Variants in CAST observed in about 807,000 individuals in gnomAD.
CAST encodes the protein MIR583 host.
CAST carries 76 observed loss-of-function variants against 119.6 expected under a neutral mutation model. That is an observed-to-expected ratio of 0.64 (90% CI 0.53 to 0.77). The LOEUF (loss-of-function observed/expected upper bound fraction) is 0.77, where lower values mean the gene tolerates loss of function less well. Ranked by LOEUF, CAST falls within the 30% of genes least tolerant of loss-of-function variation. The pLI is 0.00. For missense variants in CAST, 953 were observed against 946.5 expected (o/e 1.01, Z -0.09); for synonymous variants, 319 against 331.6 (o/e 0.96, Z 0.41).
the CAST span, chr5:96,425,751 T>C: frequency 1.1e-5 from 9 of 848,054 alleles, no homozygotes; most frequent in Admixed American, 1.9e-5. Context: ...AAATCCATGT[T>C]GCAAATGTAA....
At chr5:96,249,063 A>G in the CAST span, among the ~76,000 whole-genome samples, 1 of 152,258 alleles carries the variant, frequency 6.6e-6, no homozygotes, top group African/African-American at 2.4e-5. Flanking sequence ...CCTTTGTCAC[A>G]TAGTTGCTAC....
At chr5:95,982,733 C>T in the CAST span, among the ~76,000 whole-genome samples, 1 of 152,206 alleles carries the variant, frequency 6.6e-6, no homozygotes. Context: ...ATGATCCCAA[C>T]ATATTTTACA....
intron 15 of CAST, chr5:96,741,789 A>G: frequency 2.0e-6 from 1 of 505,972 alleles, no homozygotes; most frequent in Non-Finnish European, 3.6e-6. Context: ...TGATTTTAGC[A>G]CAGTTGTCTC....
chr5:96,098,562 C>G, the CAST span, among the ~76,000 whole-genome samples: 4 of 152,160 alleles, frequency 2.6e-5, no homozygotes, highest in Admixed American at 2.6e-4. Context: ...TTTCCCAGCG[C>G]TATTTATTGG....
At chr5:96,443,611 A>C in the CAST span, among the ~76,000 whole-genome samples, 1 of 152,222 alleles carries the variant, frequency 6.6e-6, no homozygotes, top group Non-Finnish European at 1.5e-5. Context: ...TAACTTTATC[A>C]GTGGTTATCG....
At chr5:96,576,898 C>T (rs1390202830) in intron 1 of CAST, among the ~76,000 whole-genome samples, 1 of 152,016 alleles carries the variant, frequency 6.6e-6, no homozygotes, top group Non-Finnish European at 1.5e-5. Flanking sequence ...AAATGTGTGC[C>T]ATGGTGGTTT....
the CAST span, among the ~76,000 whole-genome samples, chr5:96,298,784 T>C: frequency 6.6e-6 from 1 of 152,098 alleles, no homozygotes; most frequent in East Asian, 1.9e-4. Flanking sequence ...CCAAAATACT[T>C]GAATAAGGGG....
the CAST span, among the ~76,000 whole-genome samples, chr5:96,049,945 A>G: frequency 2.7e-5 from 4 of 145,682 alleles, no homozygotes; most frequent in African/African-American, 9.9e-5. Flanking sequence ...GAAGAAGGAG[A>G]TGAGGAAAAA....
the CAST span, among the ~76,000 whole-genome samples, chr5:96,214,656 G>A: frequency 6.6e-6 from 1 of 152,116 alleles, no homozygotes; most frequent in Admixed American, 6.6e-5. Context: ...TACATTCTGG[G>A]GAAGGCAGTG....
At position 96,587,181 on chromosome 5, in the gene CAST, G is replaced by T. The variant is rs1003706971; in HGVS notation, c.60+57301G>T. On this transcript the variant is annotated intron_variant, in intron 1 of 11. Coordinates refer to the CAST transcript ENST00000505143. ...TTCAATTCACCACATCAGCTAGAAA[G>T]GTTTGTACAGCACATTTTTTGCCAT... Among the ~76,000 whole-genome samples, 3 of 152,300 alleles carry T rather than the reference G, an allele frequency of 2.0e-5. 1 individual carries two copies. The highest frequency in any genetic ancestry group is 3.9e-4 in the East Asian group (2 of 5,192).
At chr5:96,346,273 T>C in the CAST span, among the ~76,000 whole-genome samples, 1 of 152,184 alleles carries the variant, frequency 6.6e-6, no homozygotes, top group South Asian at 2.1e-4. Context: ...AATGATATTC[T>C]GCAGGAAGGC....
chr5:96,524,009 G>A (rs974967393), upstream of CAST, among the ~76,000 whole-genome samples: 5 of 152,324 alleles, frequency 3.3e-5, no homozygotes, highest in Non-Finnish European at 5.9e-5. Flanking sequence ...GTATACATGT[G>A]AGGATAGCTG....
At chr5:96,551,906 C>T (rs189126050) in intron 1 of CAST, among the ~76,000 whole-genome samples, 62 of 152,044 alleles carry the variant, frequency 4.1e-4, no homozygotes, top group Non-Finnish European at 6.8e-4. Flanking sequence ...AGGAGCACCG[C>T]GATTCATAAA....
chr5:96,428,986 C>A, the CAST span, among the ~76,000 whole-genome samples: 3 of 151,692 alleles, frequency 2.0e-5, no homozygotes, highest in African/African-American at 4.8e-5. Flanking sequence ...AATTAAACTG[C>A]GTATATATGT....
the CAST span, among the ~76,000 whole-genome samples, chr5:96,345,310 T>A: frequency 6.6e-6 from 1 of 151,176 alleles, no homozygotes. Context: ...GAGTCCCTAA[T>A]CTATGCTTGC....
At chr5:96,660,954 G>A (rs960323596), upstream of CAST, among the ~76,000 whole-genome samples, 10 of 151,396 alleles carry the variant, frequency 6.6e-5, no homozygotes, top group African/African-American at 2.4e-4. Flanking sequence ...ACTTTAAGAG[G>A]AAATGCATTT....
rs867978098 is a variant in CAST at position 96,650,232 on chromosome 5, G to A, written c.61-25307G>A. Among the ~76,000 whole-genome samples, 4 of 152,204 alleles carry A rather than the reference G, an allele frequency of 2.6e-5. No homozygotes were observed. In the South Asian group the frequency reaches 8.3e-4, roughly 32 times the overall value. The stretch of plus-strand genomic sequence containing the variant: ...CCAATGGACTAGAAGTACGAGGGAT[G>A]AGGGTCACTTCCAGTTTGAAGCATA... On this transcript the variant is annotated intron_variant, in intron 1 of 11. Coordinates refer to the CAST transcript ENST00000505143.
chr5:96,435,784 A>G, the CAST span, among the ~76,000 whole-genome samples: 1 of 152,254 alleles, frequency 6.6e-6, no homozygotes. Context: ...GCATTCATTA[A>G]GGTTTCTTGG....
chr5:96,499,289 G>A, the CAST span, among the ~76,000 whole-genome samples: 2 of 152,226 alleles, frequency 1.3e-5, no homozygotes, highest in East Asian at 1.9e-4. Context: ...TTCTGGGTTT[G>A]GTTCCAGACC....
Sources: gnomAD v4.1 joint callset for allele counts (sites outside exome capture counted in the v4.1 genomes callset) on GRCh38, gnomAD v4.1.1 for gene constraint, MANE v1.5 for transcripts, NCBI Gene and HGNC (gene_info 2026-07-23, HGNC 2026-07-21) for gene names.